The following LPP variants were observed in gnomAD, a reference collection of about 807,000 sequenced individuals.
LPP encodes lipoma-preferred partner.
A neutral mutation model predicts 60.4 loss-of-function variants in LPP; 38 were observed. The ratio of observed to expected loss-of-function variants is 0.63; its 90% CI spans 0.49 to 0.83. The LOEUF is 0.83. LPP is among the 40% of genes least tolerant of loss of function. The pLI, the probability that LPP is intolerant of heterozygous loss-of-function variation, is 0.00. For missense variants in LPP, 902 were observed against 783.6 expected, an observed-to-expected ratio of 1.15 and a Z score of -1.80; for synonymous variants, 328 against 290.8, an observed-to-expected ratio of 1.13 and a Z score of -1.30.
chr3:188,592,557 G>GTTTTTGTTTTTTTTTTTTTTT (rs1839048506), intron 6 of LPP, among the ~76,000 whole-genome samples: 1 of 85,756 alleles, frequency 1.2e-5, no homozygotes, highest in African/African-American at 4.5e-5. Context: ...TTTTGTTTTT[G>GTTTTTGTTTTTTTTTTTTTTT]TTTTTTAAAT....
intron 8 of LPP, chr3:188,711,411 A>G (rs1347882755): frequency 2.0e-5 from 3 of 152,340 alleles, no homozygotes; most frequent in African/African-American, 7.2e-5. Context: ...CAGCTAATAC[A>G]TTGCAGAACT....
chr3:188,748,493 TAAAC>T (rs990492724), intron 8 of LPP, among the ~76,000 whole-genome samples: 24 of 151,980 alleles, frequency 1.6e-4, no homozygotes, highest in Non-Finnish European at 3.1e-4. Flanking sequence ...AAAAAAATAA[TAAAC>T]AACAGGCCGG....
chr3:188,295,299 A>T (rs1747490297), intron 2 of LPP, among the ~76,000 whole-genome samples: 1 of 152,200 alleles, frequency 6.6e-6, no homozygotes, highest in African/African-American at 2.4e-5. Flanking sequence ...TTCCCCATGC[A>T]CGGTTAGAGT....
intron 7 of LPP, among the ~76,000 whole-genome samples, chr3:188,641,263 G>A (rs574880627): frequency 6.6e-6 from 1 of 152,330 alleles, no homozygotes; most frequent in African/African-American, 2.4e-5. Flanking sequence ...CCAAAGTACA[G>A]TGTGTTCTCC....
rs1210179038 is a variant in LPP, at chr3:188,609,045, C to CA, written c.430-115dup. 2 of 797,300 alleles carry CA rather than the reference C, an allele frequency of 2.5e-6. No individual in the cohort carries two copies. 49.4% of individuals were successfully genotyped at this position (797,300 alleles called of 1,614,324 possible). A position where few individuals can be genotyped will look rare whatever the true frequency, so the allele number is the denominator to read the frequency against. On this transcript the variant is annotated intron_variant, in intron 6 of 11. Transcript: ENST00000617246. The surrounding 1 kb of genome is among the most constrained non-coding windows in gnomAD (Gnocchi z 6.9). ...AAGATTATGCCTTATTTGTGTTCTACATAGTAATAAATAATAATTAGCAGT... is the reference window on the plus strand; with the variant it reads ...AAGATTATGCCTTATTTGTGTTCTACAATAGTAATAAATAATAATTAGCAGT...
chr3:188,546,943 C>G (rs1309716966), intron 6 of LPP, among the ~76,000 whole-genome samples: 1 of 152,158 alleles, frequency 6.6e-6, no homozygotes, highest in Non-Finnish European at 1.5e-5. Context: ...CAGTTTATAC[C>G]CTTTCTCACA....
At chr3:188,335,625 A>G (rs1218151532) in intron 2 of LPP, among the ~76,000 whole-genome samples, 1 of 151,804 alleles carries the variant, frequency 6.6e-6, no homozygotes, top group East Asian at 1.9e-4. Context: ...ATTGTGAATT[A>G]TTTTCTTGAT....
intron 8 of LPP, among the ~76,000 whole-genome samples, chr3:188,747,035 A>T (rs1361192591): frequency 6.6e-6 from 1 of 152,206 alleles, no homozygotes; most frequent in African/African-American, 2.4e-5. Context: ...GACGGTCCTT[A>T]GAAAAACACT....
intron 4 of LPP, among the ~76,000 whole-genome samples, chr3:188,473,221 A>G (rs993771126): frequency 6.6e-6 from 1 of 152,186 alleles, no homozygotes; most frequent in Non-Finnish European, 1.5e-5. Flanking sequence ...AGTTTTCCCA[A>G]GTATTGACAT....
At chr3:188,670,824 C>T (rs542870287) in intron 7 of LPP, among the ~76,000 whole-genome samples, 1 of 152,266 alleles carries the variant, frequency 6.6e-6, no homozygotes, top group South Asian at 2.1e-4. Flanking sequence ...TCCAAATGGT[C>T]ACATCTTATG....
intron 7 of LPP, among the ~76,000 whole-genome samples, chr3:188,703,465 T>C (rs1864883475): frequency 6.6e-6 from 1 of 152,192 alleles, no homozygotes; most frequent in African/African-American, 2.4e-5. Flanking sequence ...TTCTTTGGTG[T>C]AAGAGACAAC....
chr3:188,541,506 A>G (rs1157539388), intron 6 of LPP, among the ~76,000 whole-genome samples: 9 of 152,010 alleles, frequency 5.9e-5, no homozygotes, highest in Admixed American at 6.6e-5. Context: ...CTAGAGAAGT[A>G]TCTTTCCCTG....
At chr3:188,454,522 A>G (rs1321593216) in intron 4 of LPP, among the ~76,000 whole-genome samples, 2 of 152,246 alleles carry the variant, frequency 1.3e-5, no homozygotes, top group Non-Finnish European at 2.9e-5. Flanking sequence ...TTGGAAAACA[A>G]CTCCAGTTTT....
intron 3 of LPP, among the ~76,000 whole-genome samples, chr3:188,367,285 G>A (rs985858423): frequency 1.3e-5 from 2 of 152,040 alleles, no homozygotes; most frequent in South Asian, 4.2e-4. Flanking sequence ...ATTATCACAG[G>A]GTATGTTTGT....
At chr3:188,752,182 A>T (rs537096888) in intron 8 of LPP, among the ~76,000 whole-genome samples, 35 of 152,336 alleles carry the variant, frequency 2.3e-4, no homozygotes, top group African/African-American at 8.4e-4. Context: ...GGCAGTTATG[A>T]TCATCTCCCT....
At chr3:188,475,226 G>A (rs1802849622) in intron 4 of LPP, among the ~76,000 whole-genome samples, 2 of 152,100 alleles carry the variant, frequency 1.3e-5, no homozygotes, top group Admixed American at 1.3e-4. Flanking sequence ...TTAAAATCAG[G>A]GAGACGTCAT....
intron 1 of LPP, among the ~76,000 whole-genome samples, 198 bp downstream of exon 1, chr3:188,154,450 T>C (rs1715522524): frequency 6.7e-6 from 1 of 150,232 alleles, no homozygotes; most frequent in Non-Finnish European, 1.5e-5. Flanking sequence ...GGACCCAGAG[T>C]TTTTCCAAAA....
At chr3:188,762,847 TA>T (rs2150526586) in intron 9 of LPP, among the ~76,000 whole-genome samples, 1 of 152,250 alleles carries the variant, frequency 6.6e-6, no homozygotes, top group Non-Finnish European at 1.5e-5. Context: ...GTGGTGACTC[TA>T]AAATGTAATT....
intron 7 of LPP, among the ~76,000 whole-genome samples, chr3:188,693,788 T>C (rs1332374479): frequency 1.3e-5 from 2 of 152,158 alleles, no homozygotes; most frequent in African/African-American, 4.8e-5. Context: ...AAATGTAGAT[T>C]AGGGCTCCCA....
Sources: allele counts gnomAD v4.1 joint callset (sites outside exome capture counted in the v4.1 genomes callset), GRCh38; gene constraint gnomAD v4.1.1; non-coding constraint Gnocchi (gnomAD v3.1); transcripts MANE v1.5; gene names NCBI Gene and HGNC (gene_info 2026-07-23, HGNC 2026-07-21).